The following NGDN variants were observed in gnomAD, a reference collection of about 807,000 sequenced individuals.
NGDN encodes EIF4E-binding protein.
In NGDN, 41 loss-of-function variants were observed where a neutral mutation model predicts 45.2. The observed-to-expected ratio is 0.91, with a 90% CI of 0.71 to 1.18. NGDN has a LOEUF of 1.18. Among genes scored for constraint, NGDN ranks in the 50% most tolerant of loss-of-function variants. The pLI is 0.00. For missense variants in NGDN, 402 were observed against 399.9 expected (o/e 1.01, Z -0.05); for synonymous variants, 137 against 130.9 (o/e 1.05, Z -0.32).
intron 2 of NGDN, 150 bp from the exon 3 acceptor site, chr14:23,470,756 C>T: frequency 3.9e-6 from 2 of 510,048 alleles, no homozygotes; most frequent in Non-Finnish European, 6.9e-6. Flanking sequence ...ACCATCTCTC[C>T]TATGCTTTCC....
intron 10 of NGDN, 24 bp from the exon 11 acceptor site, chr14:23,477,983 A>G (rs1325674325): frequency 6.2e-7 from 1 of 1,613,596 alleles, no homozygotes; most frequent in Non-Finnish European, 8.5e-7. Context: ...CCTTTGCCTC[A>G]TTCTTGGTTT....
Position 23,476,251 on chromosome 14 carries a change from C to T in NGDN, c.557C>T (p.Ala186Val). Reference protein sequence around the residue: ...LVPVHYDETEAEREKKRLERA... With the variant: ...LVPVHYDETEVEREKKRLERA... ...TTTCATCATGTAGATGAAACAGAAGCTGAGCGGGAGAAGAAGCGTCTAGAA... is the reference window on the plus strand; with the variant it reads ...TTTCATCATGTAGATGAAACAGAAGTTGAGCGGGAGAAGAAGCGTCTAGAA... The change falls in exon 8 of 11, where the codon GCT becomes GTT. Residue 186 changes from alanine (A) to valine (V), a missense_variant. Physicochemically the swap from Ala to Val is moderately conservative, Grantham distance 64. Coordinates refer to ENST00000408901, the MANE Select transcript of NGDN (RefSeq NM_001042635.2). 2 of 1,614,116 alleles carry T rather than the reference C, an allele frequency of 1.2e-6. No individual in the cohort carries two copies. Among genetic ancestry groups the T allele is most frequent in the Non-Finnish European group, 1.7e-6 (2 of 1,179,990 alleles).
In NGDN at chr14:23,475,501, T is replaced by A. The variant is rs971636947; in HGVS notation, c.283-57T>A. 4 of 1,543,668 alleles carry A rather than the reference T, an allele frequency of 2.6e-6. No individual in the cohort carries two copies. The African/African-American group carries it at 5.4e-5, about 21-fold the overall frequency. ...ATGTGGCACCTTAATATAGGGACTC[T>A]GGTGTGTGCTTCATTTTGGGAAGGA... is the stretch of plus-strand genomic sequence containing the variant. On this transcript the variant is annotated intron_variant, in intron 4 of 10. Transcript: ENST00000408901.
At chr14:23,472,139 C>T (rs1175554349) in intron 3 of NGDN, among the ~76,000 whole-genome samples, 4 of 145,724 alleles carry the variant, frequency 2.7e-5, no homozygotes, top group African/African-American at 5.1e-5. Context: ...GAGCCACGGT[C>T]GCACCATCGC....
chr14:23,475,647 G>A lies in NGDN; in HGVS notation c.367+5G>A, dbSNP rs1483532541. On this transcript the variant is annotated splice_donor_5th_base_variant and intron_variant, in intron 5 of 10. Transcript: ENST00000408901. Reference sequence around the variant, plus strand: ...CTGCAGTGACAGGCAGCCTTAGTAAGTGAGGAGACCATCATGAAGTTGTGG... The same window carrying A: ...CTGCAGTGACAGGCAGCCTTAGTAAATGAGGAGACCATCATGAAGTTGTGG... 9 of 1,614,140 alleles carry A rather than the reference G, an allele frequency of 5.6e-6. No homozygotes were observed. Among genetic ancestry groups the A allele is most frequent in the Middle Eastern group, 1.7e-4 (1 of 6,058 alleles).
At position 23,477,570 on chromosome 14, in the gene NGDN, CTGCTGGGACTTAGG is replaced by C; in HGVS notation, c.928+13_928+26del. ...GGTCGGAAGAAAAAAGGTCAGTGAA[CTGCTGGGACTTAGG>C]TGATCAGGTGCAAGGTGGGGAGTAC... On this transcript the variant is annotated intron_variant, in intron 10 of 10. Transcript: ENST00000408901. 2 of 1,614,086 alleles carry C rather than the reference CTGCTGGGACTTAGG, an allele frequency of 1.2e-6. No homozygotes were observed. Among genetic ancestry groups the C allele is most frequent in the Non-Finnish European group, 1.7e-6 (2 of 1,180,000 alleles).
chr14:23,478,150 A>G lies in NGDN; in HGVS notation c.*124A>G. 1.0e-6 allele frequency: 1 copy of G among 955,442 alleles called. No homozygotes were observed. 59.2% of individuals were successfully genotyped at this position (955,442 alleles called of 1,614,324 possible). A position where few individuals can be genotyped will look rare whatever the true frequency, so the allele number is the denominator to read the frequency against. On this transcript the variant is annotated 3_prime_UTR_variant, in exon 11 of 11. Coordinates refer to ENST00000408901, the MANE Select transcript of NGDN (RefSeq NM_001042635.2). ...TTGGACATGTGGAAAGAGCCTTACT[A>G]ATAAAATTGATTTTGCTTATGAATT... is the stretch of plus-strand genomic sequence containing the variant.
At position 23,477,239 on chromosome 14, in the gene NGDN, C is replaced by T. The variant is rs1294643251; in HGVS notation, c.753C>T (p.Val251=). The stretch of plus-strand genomic sequence containing the variant: ...AGAGCATGATGGTGCGTTTGAGCGT[C>T]AGTAAGCGAGAGAAAGGACGGCGAA... The part of the protein sequence containing the change: ...YEESMMVRLS[V]SKREKGRRKR... Residue 251 remains valine, a synonymous_variant, in exon 9 of 11, where the codon GTC becomes GTT. Transcript: ENST00000408901. 1.9e-6 allele frequency: 3 copies of T among 1,614,148 alleles called. No individual in the cohort carries two copies. The highest frequency in any genetic ancestry group is 1.6e-4 in the Middle Eastern group (1 of 6,062).
chr14:23,475,820 C>G, intron 6 of NGDN, 42 bp downstream of exon 6: 2 of 1,584,978 alleles, frequency 1.3e-6, no homozygotes, highest in Non-Finnish European at 1.7e-6. Flanking sequence ...TCTGAGGCAG[C>G]TATACCTAGA....
At chr14:23,472,990 A>G (rs909200577) in intron 3 of NGDN, among the ~76,000 whole-genome samples, 2 of 151,942 alleles carry the variant, frequency 1.3e-5, no homozygotes, top group African/African-American at 4.8e-5. Context: ...CCTGGGTACC[A>G]TGCTTTTTTG....
At chr14:23,475,079 G>A in intron 3 of NGDN, 92 bp from the exon 4 acceptor site, 1 of 1,365,454 alleles carries the variant, frequency 7.3e-7, no homozygotes, top group South Asian at 1.5e-5. Flanking sequence ...GGAAAATCTT[G>A]AACTTGGAAA....
chr14:23,475,092 C>T, intron 3 of NGDN, 79 bp from the exon 4 acceptor site: 1 of 1,439,824 alleles, frequency 6.9e-7, no homozygotes. Flanking sequence ...CTTGGAAAAA[C>T]ATCCCGTTTA....
Position 23,478,016 on chromosome 14 carries a change from G to A in NGDN, c.938G>A (p.Arg313Lys), listed in dbSNP as rs1893944371. ...TTTCCCTTCCTTTCAGGTTTTCGGA[G>A]GCGGCGGTGATTATGGGTGTACATA... The part of the protein sequence containing the change: ...QKGRKKKGFR[R>K]RR Residue 313 changes from arginine to lysine, a missense_variant, in exon 11 of 11, where the codon AGG becomes AAG. Coordinates refer to ENST00000408901, the MANE Select transcript of NGDN (RefSeq NM_001042635.2). 1.2e-6 allele frequency: 2 copies of A among 1,613,992 alleles called. No individual in the cohort carries two copies. The highest frequency in any genetic ancestry group is 1.7e-5 in the Admixed American group (1 of 59,988).
At chr14:23,476,988 G>A (rs989448722) in intron 8 of NGDN, among the ~76,000 whole-genome samples, 2 of 152,196 alleles carry the variant, frequency 1.3e-5, no homozygotes, top group African/African-American at 4.8e-5. Flanking sequence ...TTCATATCTA[G>A]CATGAGGGAA....
chr14:23,474,773 T>C (rs1025292067), intron 3 of NGDN, among the ~76,000 whole-genome samples: 4 of 152,204 alleles, frequency 2.6e-5, no homozygotes, highest in African/African-American at 9.7e-5. Flanking sequence ...CATTTTTGAT[T>C]GTTAGAGCTT....
downstream of NGDN, chr14:23,478,820 A>AAAG (rs1447682322): frequency 6.6e-6 from 1 of 150,558 alleles, no homozygotes; most frequent in Non-Finnish European, 1.5e-5. Context: ...AAAAAAAAAA[A>AAAG]AAAAAATGCC....
intron 3 of NGDN, among the ~76,000 whole-genome samples, chr14:23,473,385 A>G (rs1893828596): frequency 6.6e-6 from 1 of 152,156 alleles, no homozygotes; most frequent in African/African-American, 2.4e-5. Flanking sequence ...ATATTTGTTT[A>G]TTTATTGAAC....
At chr14:23,477,390 C>CT (rs767931714) in intron 9 of NGDN, 34 bp downstream of exon 9, 1 of 1,613,140 alleles carries the variant, frequency 6.2e-7, no homozygotes, top group Admixed American at 1.7e-5. Flanking sequence ...TAGGATGTGA[C>CT]TTTCATGCTT....
intron 3 of NGDN, among the ~76,000 whole-genome samples, chr14:23,474,584 C>G (rs2138723776): frequency 6.6e-6 from 1 of 151,998 alleles, no homozygotes; most frequent in South Asian, 2.1e-4. Context: ...CCCCTACACA[C>G]ACACACTTTC....
Sources: gnomAD v4.1 joint callset for allele counts (sites outside exome capture counted in the v4.1 genomes callset) on GRCh38, gnomAD v4.1.1 for gene constraint, MANE v1.5 for transcripts, NCBI Gene and HGNC (gene_info 2026-07-23, HGNC 2026-07-21) for gene names.